Variants in GRM7 observed in about 807,000 individuals in gnomAD.
The protein encoded by GRM7 is glutamate metabotropic receptor 7.
GRM7 carries 35 observed loss-of-function variants against 84.5 expected under a neutral mutation model. The observed-to-expected ratio is 0.41, with a 90% CI of 0.32 to 0.55. The LOEUF (loss-of-function observed/expected upper bound fraction) is 0.55. Among genes scored for constraint, GRM7 ranks in the 20% least tolerant of loss-of-function variants. The probability of loss-of-function intolerance (pLI) is 0.19; values close to 1 mark genes in which losing one functional copy is unlikely to be tolerated. For missense variants in GRM7, 1,003 were observed against 1,194.6 expected (o/e 0.84, Z 2.36); for synonymous variants, 487 against 455.1 (o/e 1.07, Z -0.89).
intron 2 of GRM7, among the ~76,000 whole-genome samples, chr3:7,253,616 T>TA (rs138776034): frequency 8.7e-4 from 105 of 121,190 alleles, no homozygotes; most frequent in Admixed American, 2.2e-3. Flanking sequence ...AAACTCCATC[T>TA]AAAAAAAAAA....
chr3:7,226,300 G>A (rs1452867359), intron 2 of GRM7, among the ~76,000 whole-genome samples: 1 of 152,134 alleles, frequency 6.6e-6, no homozygotes, highest in African/African-American at 2.4e-5. Flanking sequence ...TCTGAGATTT[G>A]ACTGAGGAAG....
At chr3:7,388,310 G>T (rs1183361591) in intron 4 of GRM7, among the ~76,000 whole-genome samples, 3 of 151,852 alleles carry the variant, frequency 2.0e-5, no homozygotes, top group African/African-American at 7.3e-5. Flanking sequence ...CACTCTGGCT[G>T]GGACTTCCGG....
chr3:7,396,129 C>A (rs1414447349), intron 4 of GRM7, among the ~76,000 whole-genome samples: 1 of 151,886 alleles, frequency 6.6e-6, no homozygotes, highest in Non-Finnish European at 1.5e-5. Flanking sequence ...TTCATTTTGT[C>A]AAAATTATAT....
At chr3:7,211,193 T>G (rs1696414771) in intron 2 of GRM7, among the ~76,000 whole-genome samples, 1 of 152,264 alleles carries the variant, frequency 6.6e-6, no homozygotes, top group Non-Finnish European at 1.5e-5. Flanking sequence ...ATGTATGATT[T>G]GAACAAGTCT....
At chr3:7,530,694 G>A (rs1701003625) in intron 7 of GRM7, among the ~76,000 whole-genome samples, 1 of 152,128 alleles carries the variant, frequency 6.6e-6, no homozygotes, top group Non-Finnish European at 1.5e-5. Flanking sequence ...CTAATGACCA[G>A]TGATGATGGG....
intron 7 of GRM7, among the ~76,000 whole-genome samples, chr3:7,485,977 C>T (rs1699304886): frequency 6.6e-6 from 1 of 152,020 alleles, no homozygotes; most frequent in Non-Finnish European, 1.5e-5. Context: ...CATATTAAGA[C>T]ATAAATGAAT....
intron 4 of GRM7, among the ~76,000 whole-genome samples, chr3:7,377,478 G>A (rs950091468): frequency 4.6e-5 from 7 of 152,188 alleles, no homozygotes; most frequent in Middle Eastern, 3.2e-3. Flanking sequence ...GGGTGCTTAC[G>A]GGATATCAGT....
intron 1 of GRM7, among the ~76,000 whole-genome samples, chr3:7,092,853 G>T (rs1412806818): frequency 6.6e-6 from 1 of 152,198 alleles, no homozygotes; most frequent in Non-Finnish European, 1.5e-5. Context: ...GGAAGCCAAG[G>T]CAGAAGGATT....
At chr3:6,901,424 C>A (rs753065250) in intron 1 of GRM7, among the ~76,000 whole-genome samples, 1 of 151,378 alleles carries the variant, frequency 6.6e-6, no homozygotes, top group Non-Finnish European at 1.5e-5. Context: ...ACGGTGAAAC[C>A]CCATCTCTAC....
At chr3:7,420,452 C>T (rs1285478438) in intron 5 of GRM7, among the ~76,000 whole-genome samples, 1 of 151,930 alleles carries the variant, frequency 6.6e-6, no homozygotes, top group Non-Finnish European at 1.5e-5. Flanking sequence ...TTTTTGAAAC[C>T]GTTTTGATGA....
At chr3:7,631,403 G>A (rs181197229) in intron 8 of GRM7, among the ~76,000 whole-genome samples, 55 of 152,192 alleles carry the variant, frequency 3.6e-4, no homozygotes, top group African/African-American at 1.3e-3. Context: ...AAGCCATGGT[G>A]GACTCTGAGG....
At chr3:7,218,769 C>G (rs1014365963) in intron 2 of GRM7, among the ~76,000 whole-genome samples, 2 of 151,738 alleles carry the variant, frequency 1.3e-5, no homozygotes, top group African/African-American at 4.8e-5. Context: ...AATTTATTAG[C>G]TTTATTTTAA....
At chr3:6,926,450 A>G (rs547541) in intron 1 of GRM7, among the ~76,000 whole-genome samples, 78,608 of 152,090 alleles carry the variant, frequency 0.52, 21,295 homozygotes, top group African/African-American at 0.68. Flanking sequence ...TAAAGTTTGC[A>G]AAACTCCTGA....
At chr3:7,345,944 CAA>C (rs1477054752) in intron 4 of GRM7, among the ~76,000 whole-genome samples, 2 of 152,054 alleles carry the variant, frequency 1.3e-5, no homozygotes, top group African/African-American at 4.8e-5. Flanking sequence ...TTATGATTAA[CAA>C]TATCAATACA....
chr3:7,360,507 T>C (rs1693614386), intron 4 of GRM7, among the ~76,000 whole-genome samples: 1 of 152,044 alleles, frequency 6.6e-6, no homozygotes, highest in African/African-American at 2.4e-5. Flanking sequence ...AAAACGGTAT[T>C]TTTTGGTTGT....
chr3:7,314,193 C>T (rs1359300849), intron 4 of GRM7, among the ~76,000 whole-genome samples: 2 of 152,152 alleles, frequency 1.3e-5, no homozygotes, highest in East Asian at 3.9e-4. Flanking sequence ...GACCCTTGCC[C>T]AATTGAGAAC....
At chr3:7,076,951 A>C (rs1698104455) in intron 1 of GRM7, among the ~76,000 whole-genome samples, 1 of 152,194 alleles carries the variant, frequency 6.6e-6, no homozygotes, top group African/African-American at 2.4e-5. Flanking sequence ...ATATTTATGC[A>C]GCCAACAAAC....
At chr3:7,488,980 C>T (rs868238947) in intron 7 of GRM7, among the ~76,000 whole-genome samples, 9 of 151,978 alleles carry the variant, frequency 5.9e-5, no homozygotes, top group African/African-American at 1.9e-4. Flanking sequence ...ATACCAACAC[C>T]GTCCACAACA....
At chr3:7,615,121 A>G (rs772280313) in intron 8 of GRM7, among the ~76,000 whole-genome samples, 2 of 151,998 alleles carry the variant, frequency 1.3e-5, no homozygotes, top group Admixed American at 6.5e-5. Context: ...CCTATTTTCA[A>G]TGTTTCATCT....
Sources: gnomAD v4.1 joint callset for allele counts (sites outside exome capture counted in the v4.1 genomes callset) on GRCh38, gnomAD v4.1.1 for gene constraint, MANE v1.5 for transcripts, NCBI Gene and HGNC (gene_info 2026-07-23, HGNC 2026-07-21) for gene names.